Variants in PER3 observed in about 807,000 individuals in gnomAD.
PER3 encodes period circadian protein homolog 3.
PER3 carries 107 observed loss-of-function variants against 127.2 expected under a neutral mutation model. That is an observed-to-expected ratio of 0.84 (90% confidence interval 0.72 to 0.99). The LOEUF is 0.99. PER3 is among the 50% of genes least tolerant of loss of function. The probability of loss-of-function intolerance (pLI) is 0.00; values close to 1 mark genes in which losing one functional copy is unlikely to be tolerated. For synonymous variants in PER3, 618 were observed against 585.8 expected (o/e 1.05, Z -0.79); for missense variants, 1,560 against 1,525.8 (o/e 1.02, Z -0.37).
intron 5 of PER3, among the ~76,000 whole-genome samples, chr1:7,789,027 G>T (rs1370185454): frequency 2.0e-5 from 3 of 151,656 alleles, no homozygotes; most frequent in Non-Finnish European, 2.9e-5. Flanking sequence ...ATTCAAAGAT[G>T]CCTATTGCAG....
intron 13 of PER3, among the ~76,000 whole-genome samples, chr1:7,811,253 C>G (rs1239280625): frequency 6.6e-6 from 1 of 152,162 alleles, no homozygotes; most frequent in African/African-American, 2.4e-5. Flanking sequence ...ATCTTGGTCA[C>G]TAAATGTTAT....
chr1:7,787,793 A>G (rs1271672425), intron 4 of PER3: 3 of 503,306 alleles, frequency 6.0e-6, no homozygotes, highest in African/African-American at 5.8e-5. Context: ...TACGTATTTT[A>G]GTCTGCATAG....
chr1:7,824,991 C>T (rs1336509833), intron 16 of PER3, among the ~76,000 whole-genome samples: 12 of 151,988 alleles, frequency 7.9e-5, no homozygotes, highest in Non-Finnish European at 1.5e-4. Context: ...TTCTTATCCT[C>T]GGGGGTCACT....
chr1:7,809,049 T>C (rs1226573763), intron 11 of PER3, 51 bp downstream of exon 11: 1 of 862,876 alleles, frequency 1.2e-6, no homozygotes. Context: ...TGTTTTGTTT[T>C]AATGCTCAGT....
At chr1:7,838,435 G>C (rs183239034) in intron 21 of PER3, among the ~76,000 whole-genome samples, 1 of 151,878 alleles carries the variant, frequency 6.6e-6, no homozygotes, top group East Asian at 1.9e-4. Flanking sequence ...TTGAGACAAA[G>C]TTTTGCTCTC....
Position 7,842,786 on chromosome 1 carries a change from T to C in PER3, c.*31T>C, listed in dbSNP as rs1447281604. On this transcript the variant is annotated 3_prime_UTR_variant, in exon 22 of 22. Transcript: ENST00000377532. ...TGTGAGGATGAACCTTCATACCCTTTCCAAGACGTGTTACACAGACAGACC... is the reference window on the plus strand; with the variant it reads ...TGTGAGGATGAACCTTCATACCCTTCCCAAGACGTGTTACACAGACAGACC... 1 of 1,599,570 alleles carries C rather than the reference T, an allele frequency of 6.3e-7. No individual in the cohort carries two copies. Among genetic ancestry groups the C allele is most frequent in the Non-Finnish European group, 8.6e-7 (1 of 1,169,246 alleles).
chr1:7,802,422 C>T (rs535977548), intron 8 of PER3, among the ~76,000 whole-genome samples: 38 of 152,212 alleles, frequency 2.5e-4, no homozygotes, highest in Admixed American at 2.4e-3. Context: ...ACCACCACAC[C>T]CGGCTAATTT....
chr1:7,830,231 G>T (rs886553340), intron 19 of PER3, 70 bp downstream of exon 19: 15 of 1,361,766 alleles, frequency 1.1e-5, no homozygotes, highest in Admixed American at 1.8e-5. Context: ...AGCTCTCACT[G>T]TGTGCCCCAG....
At chr1:7,799,690 G>A (rs2097161710) in intron 7 of PER3, among the ~76,000 whole-genome samples, 1 of 151,906 alleles carries the variant, frequency 6.6e-6, no homozygotes. Context: ...AATAAATATG[G>A]CTCATACCAC....
At chr1:7,837,274 G>T (rs1407299352) in intron 21 of PER3, 125 bp downstream of exon 21, 9 of 677,972 alleles carry the variant, frequency 1.3e-5, no homozygotes, top group Non-Finnish European at 2.0e-5. Context: ...CTCTATGGTA[G>T]GTGTTATTAT....
At chr1:7,802,955 CT>C (rs2097176894) in intron 8 of PER3, 91 bp from the exon 9 acceptor site, 1 of 790,494 alleles carries the variant, frequency 1.3e-6, no homozygotes, top group African/African-American at 1.7e-5. Flanking sequence ...ATAAAATTGT[CT>C]CACATTTAGA....
chr1:7,793,919 A>G, intron 5 of PER3, 38 bp from the exon 6 acceptor site: 4 of 1,568,312 alleles, frequency 2.6e-6, no homozygotes, highest in Non-Finnish European at 3.5e-6. Context: ...AAAGACCTGG[A>G]TAAGAGGGAG....
rs2097132811 is a variant in PER3 at position 7,793,849 on chromosome 1, C to A, written c.593-108C>A. On this transcript the variant is annotated intron_variant, in intron 5 of 21. Transcript: ENST00000377532. ...GGGGTTCTATTTTAATCAAGGAGAC[C>A]TCTCTCTCTTTTAAAAAATAGTTTG... The A allele has an allele frequency of 3.3e-6, 3 of 914,860 alleles. No individual in the cohort carries two copies. In the African/African-American group the frequency reaches 4.9e-5, roughly 15 times the overall value. The allele number at this position is 914,860 out of a possible 1,614,324, so 56.7% of individuals were successfully genotyped here.
chr1:7,837,288 C>G (rs1222406370), intron 21 of PER3, 139 bp downstream of exon 21: 1 of 612,570 alleles, frequency 1.6e-6, no homozygotes, highest in African/African-American at 1.8e-5. Context: ...TTATTATTCC[C>G]TCTTTACCAA....
At chr1:7,798,739 G>C in intron 7 of PER3, 66 bp downstream of exon 7, 1 of 1,348,584 alleles carries the variant, frequency 7.4e-7, no homozygotes, top group African/African-American at 1.4e-5. Flanking sequence ...GTCTGTTTAC[G>C]TCAGTCATAG....
intron 9 of PER3, among the ~76,000 whole-genome samples, chr1:7,803,364 G>A (rs2097178966): frequency 6.7e-6 from 1 of 149,954 alleles, no homozygotes. Flanking sequence ...CGAGGTGGGC[G>A]AATTGCCTGA....
chr1:7,839,879 G>GAAAAAGACA (rs79365506), intron 21 of PER3, among the ~76,000 whole-genome samples: 2 of 151,736 alleles, frequency 1.3e-5, no homozygotes, highest in Non-Finnish European at 2.9e-5. Context: ...ATCCTAGTTG[G>GAAAAAGACA]AGTTCATTTA....
chr1:7,787,889 G>T, intron 4 of PER3, 156 bp from the exon 5 acceptor site: 1 of 624,854 alleles, frequency 1.6e-6, no homozygotes, highest in East Asian at 2.7e-5. Context: ...GAAGCATGTT[G>T]GAGAAAATTA....
intron 10 of PER3, among the ~76,000 whole-genome samples, chr1:7,808,232 C>CAAAAAAAAAAA (rs60220289): frequency 2.0e-5 from 2 of 97,726 alleles, no homozygotes; most frequent in Admixed American, 1.4e-4. Flanking sequence ...GACTCTGTCT[C>CAAAAAAAAAAA]AAAAAAAAAA....
Sources: allele counts gnomAD v4.1 joint callset (sites outside exome capture counted in the v4.1 genomes callset), GRCh38; gene constraint gnomAD v4.1.1; transcripts MANE v1.5; gene names NCBI Gene and HGNC (gene_info 2026-07-23, HGNC 2026-07-21).